The following PTK2 variants were observed in gnomAD, a reference collection of about 807,000 sequenced individuals.
PTK2 encodes the protein protein tyrosine kinase 2.
In PTK2, 45 loss-of-function variants were observed where a neutral mutation model predicts 150.1. The observed-to-expected ratio is 0.30, with a 90% CI of 0.24 to 0.38. PTK2 has a LOEUF of 0.38. Among genes scored for constraint, PTK2 ranks in the 10% least tolerant of loss-of-function variants. The pLI is 1.00. For synonymous variants in PTK2, 432 were observed against 449.2 expected, an observed-to-expected ratio of 0.96 and a Z score of 0.48; for missense variants, 919 against 1,307.3, an observed-to-expected ratio of 0.70 and a Z score of 4.58.
intron 1 of PTK2, among the ~76,000 whole-genome samples, chr8:140,959,945 A>T (rs969567147): frequency 2.0e-5 from 3 of 151,598 alleles, no homozygotes; most frequent in Admixed American, 1.3e-4. Flanking sequence ...TGAGCCTGTG[A>T]GGTCAAGGCT....
chr8:140,989,252 C>T (rs2100194683), intron 1 of PTK2, among the ~76,000 whole-genome samples: 1 of 144,184 alleles, frequency 6.9e-6, no homozygotes, highest in South Asian at 2.2e-4. Flanking sequence ...TTAAAATTAG[C>T]CAGCAGGGTG....
intron 1 of PTK2, among the ~76,000 whole-genome samples, chr8:140,952,514 T>C (rs1374287749): frequency 6.6e-6 from 1 of 152,086 alleles, no homozygotes; most frequent in Non-Finnish European, 1.5e-5. Context: ...TAGAAATAGA[T>C]TTGGGGGAGA....
chr8:140,952,943 T>A (rs1205809823), intron 1 of PTK2, among the ~76,000 whole-genome samples: 1 of 152,190 alleles, frequency 6.6e-6, no homozygotes, highest in Non-Finnish European at 1.5e-5. Context: ...CACCAAATAA[T>A]CATTGCTAAC....
At chr8:140,976,296 C>T (rs61661433) in intron 1 of PTK2, among the ~76,000 whole-genome samples, 61,834 of 152,050 alleles carry the variant, frequency 0.41, 13,242 homozygotes, top group South Asian at 0.55. Flanking sequence ...ACTTCAATTA[C>T]TAATGCCTGA....
At chr8:140,693,155 G>A (rs2100024224) in intron 26 of PTK2, among the ~76,000 whole-genome samples, 1 of 152,092 alleles carries the variant, frequency 6.6e-6, no homozygotes. Flanking sequence ...TTCTAACTAA[G>A]GTTGCCAGCA....
intron 1 of PTK2, among the ~76,000 whole-genome samples, chr8:140,944,310 TAAAAGG>T (rs1446136162): frequency 6.6e-6 from 1 of 152,220 alleles, no homozygotes; most frequent in Non-Finnish European, 1.5e-5. Context: ...TGATACATTT[TAAAAGG>T]AAGTACAATA....
intron 14 of PTK2, among the ~76,000 whole-genome samples, chr8:140,769,126 T>C (rs969428949): frequency 1.3e-5 from 2 of 152,232 alleles, no homozygotes; most frequent in Non-Finnish European, 1.5e-5. Context: ...TTATTGCTGA[T>C]ATTTCCCTAA....
At chr8:140,933,796 T>C (rs533897950) in intron 1 of PTK2, among the ~76,000 whole-genome samples, 28 of 152,042 alleles carry the variant, frequency 1.8e-4, no homozygotes, top group African/African-American at 6.8e-4. Context: ...GTGAGGGAAA[T>C]TTCTAAAATT....
At position 140,738,473 on chromosome 8, in the gene PTK2, AT is replaced by A. The variant is rs370781834; in HGVS notation, c.1825+544del. Among the ~76,000 whole-genome samples the A allele has an allele frequency of 1.7e-3, 258 of 152,350 alleles. 1 individual carries two copies. The highest frequency in any genetic ancestry group is 6.0e-3 in the African/African-American group (249 of 41,584). ...ACTGCAATAACCATAGAGCAGGAGA[AT>A]GATGACCTTGCAGCAGGTGAGGAGG... On this transcript the variant is annotated intron_variant, in intron 21 of 31. Coordinates refer to ENST00000522684, the Ensembl canonical transcript of PTK2.
chr8:140,792,845 A>AT (rs2100089323), intron 13 of PTK2, among the ~76,000 whole-genome samples: 1 of 152,242 alleles, frequency 6.6e-6, no homozygotes, highest in Non-Finnish European at 1.5e-5. Flanking sequence ...CTGATTGTTT[A>AT]GATTTTAACA....
intron 22 of PTK2, 25 bp from the exon 26 acceptor site, chr8:140,717,734 G>A: frequency 6.3e-7 from 1 of 1,591,102 alleles, no homozygotes; most frequent in Non-Finnish European, 8.6e-7. Context: ...CATTGTCTTA[G>A]GGGAGCTGAC....
chr8:140,975,266 A>C (rs2100188848), intron 1 of PTK2, among the ~76,000 whole-genome samples: 1 of 152,108 alleles, frequency 6.6e-6, no homozygotes, highest in South Asian at 2.1e-4. Flanking sequence ...TTGTGCCTCT[A>C]GTCCAGTCAT....
At chr8:140,694,904 A>G (rs10092287) in intron 26 of PTK2, among the ~76,000 whole-genome samples, 2,033 of 152,274 alleles carry the variant, frequency 0.013, 44 homozygotes, top group African/African-American at 0.046. Context: ...ACCGACACAC[A>G]CTACCTTCCA....
chr8:140,710,711 T>C (rs1448924474), intron 23 of PTK2, among the ~76,000 whole-genome samples: 1 of 152,064 alleles, frequency 6.6e-6, no homozygotes, highest in Non-Finnish European at 1.5e-5. Flanking sequence ...AAAATAAGTA[T>C]ACTGGAAGAG....
At chr8:140,968,934 A>C (rs1587986797) in intron 1 of PTK2, among the ~76,000 whole-genome samples, 1 of 152,234 alleles carries the variant, frequency 6.6e-6, no homozygotes, top group Admixed American at 6.5e-5. Flanking sequence ...AAATCATTTG[A>C]GCATCATGGC....
intron 14 of PTK2, among the ~76,000 whole-genome samples, chr8:140,783,502 A>G (rs1659939101): frequency 6.6e-6 from 1 of 152,226 alleles, no homozygotes; most frequent in Admixed American, 6.5e-5. Flanking sequence ...ACCTGTATTT[A>G]TAAGTGGCAT....
intron 1 of PTK2, chr8:140,940,625 G>A (rs1455719499): frequency 2.6e-5 from 4 of 152,334 alleles, no homozygotes; most frequent in African/African-American, 9.6e-5. Context: ...GTAGTATTGG[G>A]ATTGGGAGGC....
At chr8:140,756,861 C>A (rs929960812) in intron 16 of PTK2, among the ~76,000 whole-genome samples, 4 of 147,084 alleles carry the variant, frequency 2.7e-5, no homozygotes, top group Admixed American at 6.8e-5. Flanking sequence ...TGGTGGTGGG[C>A]GCTTGTAGTC....
chr8:140,867,842 G>C (rs2100140239), intron 4 of PTK2, among the ~76,000 whole-genome samples: 1 of 152,140 alleles, frequency 6.6e-6, no homozygotes, highest in African/African-American at 2.4e-5. Flanking sequence ...TCCTTAAACT[G>C]CAATGCCTGA....
Sources: gnomAD v4.1 joint callset for allele counts (sites outside exome capture counted in the v4.1 genomes callset) on GRCh38, gnomAD v4.1.1 for gene constraint, MANE v1.5 for transcripts, NCBI Gene and HGNC (gene_info 2026-07-23, HGNC 2026-07-21) for gene names.